Variants in CDH7 observed in about 807,000 individuals in gnomAD.
CDH7 encodes the protein cadherin 7, also known as cadherin-7.
Under a neutral mutation model 71.8 loss-of-function variants are expected in CDH7, and 25 were observed. The ratio of observed to expected loss-of-function variants is 0.35; its 90% CI spans 0.25 to 0.49. The LOEUF is 0.49. Among genes scored for constraint, CDH7 ranks in the 20% least tolerant of loss-of-function variants. CDH7 has a pLI of 0.99. For missense variants in CDH7, 862 were observed against 974.6 expected (o/e 0.88, Z 1.54); for synonymous variants, 381 against 363.8 (o/e 1.05, Z -0.54).
At chr18:65,826,009 A>G (rs1460712283) in intron 6 of CDH7, among the ~76,000 whole-genome samples, 3 of 151,720 alleles carry the variant, frequency 2.0e-5, no homozygotes, top group African/African-American at 7.2e-5. Context: ...ACAAATACCT[A>G]TATTTTATAT....
At chr18:65,868,056 G>GGAAAAATATGTTAA (rs11274425) in intron 11 of CDH7, among the ~76,000 whole-genome samples, 1 of 151,826 alleles carries the variant, frequency 6.6e-6, no homozygotes, top group Non-Finnish European at 1.5e-5. Context: ...CATCACTGAA[G>GGAAAAATATGTTAA]ATTGTGGAGA....
intron 10 of CDH7, 70 bp from the exon 11 acceptor site, chr18:65,862,596 C>A: frequency 1.3e-6 from 2 of 1,485,266 alleles, no homozygotes; most frequent in Non-Finnish European, 9.2e-7. Context: ...AATAGAGTGA[C>A]TTAAATAAAG....
Position 65,862,845 on chromosome 18 carries a change from G to T in CDH7, c.1792G>T (p.Ala598Ser), listed in dbSNP as rs115354174. 3.0e-5 allele frequency: 48 copies of T among 1,614,104 alleles called. No individual in the cohort carries two copies. Among genetic ancestry groups the T allele is most frequent in the Non-Finnish European group, 4.0e-5 (47 of 1,179,982 alleles). ...DGVAQTCNAE[A>S]YVLPAGLSTG... ...CGTAGCCCAGACCTGCAATGCAGAG[G>T]CCTATGTCCTACCTGCTGGCCTCAG... The change falls in exon 11 of 12, where the codon GCC becomes TCC. Residue 598 changes from alanine (A) to serine (S), a missense_variant. Coordinates refer to ENST00000397968, the MANE Select transcript of CDH7 (RefSeq NM_004361.5).
At chr18:65,764,474 C>T (rs1348974287) in intron 2 of CDH7, among the ~76,000 whole-genome samples, 1 of 151,862 alleles carries the variant, frequency 6.6e-6, no homozygotes, top group Non-Finnish European at 1.5e-5. Flanking sequence ...ATTTACTGTA[C>T]ATATATATGC....
rs548432378 is a variant in CDH7, at chr18:65,887,678, A to G, written c.*6784A>G. The G allele has an allele frequency of 2.7e-4, 41 of 152,258 alleles. 1 individual carries two copies. Among genetic ancestry groups the G allele is most frequent in the African/African-American group, 8.9e-4 (37 of 41,544 alleles). 9.4% of individuals were successfully genotyped at this position (152,258 alleles called of 1,614,324 possible). A position where few individuals can be genotyped will look rare whatever the true frequency, so the allele number is the denominator to read the frequency against. Reference sequence around the variant, plus strand: ...CAATTTGAGGCGAAATGTTGAAGTAAAGTAAATGACTTTTAAATATTTTCT... The same window carrying G: ...CAATTTGAGGCGAAATGTTGAAGTAGAGTAAATGACTTTTAAATATTTTCT... On this transcript the variant is annotated 3_prime_UTR_variant, in exon 12 of 12. Transcript: ENST00000397968.
At chr18:65,819,159 G>T (rs1355725566) in intron 4 of CDH7, among the ~76,000 whole-genome samples, 1 of 152,092 alleles carries the variant, frequency 6.6e-6, no homozygotes, top group Non-Finnish European at 1.5e-5. Context: ...CAACTTGGAA[G>T]TTACCACCTG....
intron 11 of CDH7, among the ~76,000 whole-genome samples, chr18:65,867,870 C>T (rs1471870277): frequency 6.6e-6 from 1 of 152,200 alleles, no homozygotes; most frequent in African/African-American, 2.4e-5. Flanking sequence ...GCATGGGATT[C>T]GGTCTCCTCC....
chr18:65,810,083 A>G (rs79235495), intron 3 of CDH7, 85 bp downstream of exon 3: 17 of 574,086 alleles, frequency 3.0e-5, no homozygotes, highest in Non-Finnish European at 2.4e-6. Context: ...TAAGTACTGA[A>G]AAAAAAAAAA....
In CDH7 at chr18:65,781,866, C is replaced by CTTTCTTTCTTTCTT. The variant is rs762734965; in HGVS notation, c.210+18815_210+18816insTTCTTTCTTTCTTT. On this transcript the variant is annotated intron_variant, in intron 2 of 11. Transcript: ENST00000397968. ...TCTTTCTTTCTTTCTTTCTTTCTTT[C>CTTTCTTTCTTTCTT]TCTCTCTCTCTCTGTCTCTCTCTCT... Among the ~76,000 whole-genome samples the CTTTCTTTCTTTCTT allele has an allele frequency of 3.5e-4, 21 of 59,736 alleles. 4 individuals are homozygous for CTTTCTTTCTTTCTT. The highest frequency in any genetic ancestry group is 1.3e-3 in the African/African-American group (13 of 10,350). 39.2% of individuals were successfully genotyped at this position (59,736 alleles called of 152,430 possible).
At position 65,815,918 on chromosome 18, in the gene CDH7, A is replaced by G. The variant is rs911645940; in HGVS notation, c.625+1314A>G. 4.6e-5 allele frequency among the ~76,000 whole-genome samples: 7 copies of G among 152,134 alleles called. 1 individual carries two copies. The highest frequency in any genetic ancestry group is 1.2e-4 in the African/African-American group (5 of 41,440). ...ACAAGTTTCTGACAATATGCTCACA[A>G]TCATACACTCCTGCCTTATATAACT... On this transcript the variant is annotated intron_variant, in intron 4 of 11. Transcript: ENST00000397968.
At chr18:65,822,051 TG>T in intron 4 of CDH7, 29 bp from the exon 5 acceptor site, 1 of 1,562,670 alleles carries the variant, frequency 6.4e-7, no homozygotes, top group Non-Finnish European at 8.8e-7. Context: ...TGATTCATGA[TG>T]AGTTTTACTG....
chr18:65,871,440 GT>G (rs997718755), intron 11 of CDH7, among the ~76,000 whole-genome samples: 5 of 152,162 alleles, frequency 3.3e-5, no homozygotes, highest in African/African-American at 1.2e-4. Context: ...GGAATAACAG[GT>G]ATGCAACGCA....
intron 6 of CDH7, among the ~76,000 whole-genome samples, chr18:65,838,639 A>G (rs912022408): frequency 3.5e-4 from 54 of 152,238 alleles, no homozygotes; most frequent in African/African-American, 1.3e-3. Flanking sequence ...TAAGGAGGTC[A>G]TTGAACTTAA....
intron 2 of CDH7, among the ~76,000 whole-genome samples, chr18:65,771,739 G>A (rs967716957): frequency 9.2e-5 from 14 of 151,494 alleles, no homozygotes; most frequent in South Asian, 2.1e-4. Flanking sequence ...TTTTACCCAC[G>A]TTTGCTTCAA....
At chr18:65,866,967 A>C (rs1913781481) in intron 11 of CDH7, among the ~76,000 whole-genome samples, 1 of 152,070 alleles carries the variant, frequency 6.6e-6, no homozygotes, top group African/African-American at 2.4e-5. Flanking sequence ...ATAATCAATT[A>C]GATACCTCAA....
intron 2 of CDH7, among the ~76,000 whole-genome samples, chr18:65,795,308 C>G (rs1453357911): frequency 6.6e-6 from 1 of 151,808 alleles, no homozygotes; most frequent in African/African-American, 2.4e-5. Flanking sequence ...TTTTTTTCCC[C>G]AACAGCAAAG....
At chr18:65,845,915 C>T (rs1475113530) in intron 7 of CDH7, among the ~76,000 whole-genome samples, 1 of 151,864 alleles carries the variant, frequency 6.6e-6, no homozygotes, top group Non-Finnish European at 1.5e-5. Context: ...GCCTGGACAA[C>T]ATAGTGAGAC....
intron 7 of CDH7, among the ~76,000 whole-genome samples, chr18:65,854,531 G>A (rs945235372): frequency 2.0e-5 from 3 of 151,912 alleles, no homozygotes; most frequent in East Asian, 1.9e-4. Context: ...TTATTCTAAC[G>A]CTAGGATCTT....
At chr18:65,797,465 C>A (rs1320199657) in intron 2 of CDH7, among the ~76,000 whole-genome samples, 1 of 152,018 alleles carries the variant, frequency 6.6e-6, no homozygotes, top group African/African-American at 2.4e-5. Flanking sequence ...GAGATGAGTC[C>A]CCAAGAGGGC....
Sources: gnomAD v4.1 joint callset for allele counts (sites outside exome capture counted in the v4.1 genomes callset) on GRCh38, gnomAD v4.1.1 for gene constraint, MANE v1.5 for transcripts, NCBI Gene and HGNC (gene_info 2026-07-23, HGNC 2026-07-21) for gene names.